The following DSCAM variants were observed in gnomAD, a reference collection of about 807,000 sequenced individuals.
The protein encoded by DSCAM is cell adhesion molecule DSCAM.
DSCAM carries 47 observed loss-of-function variants against 217.7 expected under a neutral mutation model. The observed-to-expected ratio is 0.22, with a 90% CI of 0.17 to 0.28. The LOEUF (loss-of-function observed/expected upper bound fraction) is 0.28. DSCAM is among the 10% of genes least tolerant of loss of function. DSCAM has a pLI of 1.00. For missense variants in DSCAM, 2,080 were observed against 2,618.3 expected (o/e 0.79, Z 4.49); for synonymous variants, 1,056 against 1,015.3 (o/e 1.04, Z -0.76).
At chr21:40,164,756 C>T (rs1013018661) in intron 16 of DSCAM, among the ~76,000 whole-genome samples, 2 of 152,008 alleles carry the variant, frequency 1.3e-5, no homozygotes, top group East Asian at 1.9e-4. Flanking sequence ...GAGCAAAGAT[C>T]GTGTCATTGC....
At chr21:40,516,687 G>A (rs897877343) in intron 3 of DSCAM, among the ~76,000 whole-genome samples, 1 of 152,084 alleles carries the variant, frequency 6.6e-6, no homozygotes, top group African/African-American at 2.4e-5. Context: ...TCTGCGACTA[G>A]GCAGAGGTCA....
chr21:40,697,440 T>C (rs569100624), intron 2 of DSCAM, among the ~76,000 whole-genome samples: 1 of 152,340 alleles, frequency 6.6e-6, no homozygotes, highest in East Asian at 1.9e-4. Flanking sequence ...TTCCCTAGTG[T>C]TTTCTTTCAG....
chr21:40,669,179 T>C (rs1485832856), intron 3 of DSCAM, among the ~76,000 whole-genome samples: 3 of 152,130 alleles, frequency 2.0e-5, no homozygotes, highest in African/African-American at 7.2e-5. Context: ...GACGAATCTC[T>C]CCACCTCTCA....
chr21:40,718,391 C>T (rs1251458000), intron 1 of DSCAM, among the ~76,000 whole-genome samples: 1 of 152,186 alleles, frequency 6.6e-6, no homozygotes, highest in Non-Finnish European at 1.5e-5. Context: ...GGGCAATTTA[C>T]AAGAGAAAGG....
chr21:40,597,482 C>CT (rs2077029981), intron 3 of DSCAM, among the ~76,000 whole-genome samples: 4 of 75,424 alleles, frequency 5.3e-5, no homozygotes, highest in Non-Finnish European at 1.1e-4. Context: ...TTTAACCTAT[C>CT]TTTTTTACAG....
At chr21:40,183,519 G>A (rs1882791) in intron 14 of DSCAM, among the ~76,000 whole-genome samples, 63,453 of 152,070 alleles carry the variant, frequency 0.42, 13,958 homozygotes, top group African/African-American at 0.56. Flanking sequence ...AGGACTTGGG[G>A]TGTTCAGTGT....
At chr21:40,528,587 A>G (rs1320861317) in intron 3 of DSCAM, among the ~76,000 whole-genome samples, 1 of 152,116 alleles carries the variant, frequency 6.6e-6, no homozygotes, top group Non-Finnish European at 1.5e-5. Context: ...TGCTAGCACC[A>G]TAGTCTCATA....
chr21:40,196,236 G>T (rs1761170063), intron 11 of DSCAM, among the ~76,000 whole-genome samples: 1 of 152,162 alleles, frequency 6.6e-6, no homozygotes, highest in African/African-American at 2.4e-5. Context: ...AGGTGAGGAA[G>T]GGGCCTGGGA....
chr21:40,116,296 G>A (rs566149325), intron 20 of DSCAM, among the ~76,000 whole-genome samples: 13 of 152,204 alleles, frequency 8.5e-5, no homozygotes, highest in African/African-American at 2.9e-4. Flanking sequence ...AAATCTGCAC[G>A]TTACCCCTGA....
At chr21:40,706,471 G>T (rs747224453) in intron 2 of DSCAM, among the ~76,000 whole-genome samples, 1 of 152,256 alleles carries the variant, frequency 6.6e-6, no homozygotes, top group East Asian at 1.9e-4. Flanking sequence ...CAAAATTTCT[G>T]AAATTTAAGA....
intron 3 of DSCAM, among the ~76,000 whole-genome samples, chr21:40,672,727 C>A (rs1255685241): frequency 6.6e-6 from 1 of 152,134 alleles, no homozygotes; most frequent in Non-Finnish European, 1.5e-5. Flanking sequence ...AGAGTTTCCA[C>A]ACCTATTGAT....
chr21:40,265,995 A>G (rs576958000), intron 11 of DSCAM, among the ~76,000 whole-genome samples: 56 of 152,344 alleles, frequency 3.7e-4, no homozygotes, highest in Non-Finnish European at 6.3e-4. Context: ...AACAAAAGCA[A>G]AAGTAAATAC....
At position 40,179,769 on chromosome 21, in the gene DSCAM, A is replaced by C. The variant is rs536967189; in HGVS notation, c.2780-675T>G. On this transcript the variant is annotated intron_variant, in intron 14 of 32. Transcript: ENST00000400454. ...ATAACAGCAGCACCTACTTTGTGTG[A>C]AATGTTATCACTGAATCTGTGACAT... Among the ~76,000 whole-genome samples, 3 of 152,238 alleles carry C rather than the reference A, an allele frequency of 2.0e-5. No homozygotes were observed. The South Asian group carries it at 6.2e-4, about 31-fold the overall frequency.
At chr21:40,401,807 C>T (rs1049293546) in intron 3 of DSCAM, among the ~76,000 whole-genome samples, 6 of 150,624 alleles carry the variant, frequency 4.0e-5, no homozygotes, top group Admixed American at 3.9e-4. Flanking sequence ...TCCAAAGGGG[C>T]CCCATGTTCC....
intron 11 of DSCAM, among the ~76,000 whole-genome samples, chr21:40,208,863 G>A (rs1438365821): frequency 6.6e-6 from 1 of 152,082 alleles, no homozygotes; most frequent in Non-Finnish European, 1.5e-5. Flanking sequence ...AGGCCAATCT[G>A]ATCCTCTAGG....
intron 20 of DSCAM, among the ~76,000 whole-genome samples, chr21:40,120,549 T>C (rs189326719): frequency 2.6e-5 from 4 of 152,372 alleles, no homozygotes; most frequent in East Asian, 3.9e-4. Context: ...TTGCTTATAA[T>C]AGATTGTTTG....
chr21:40,188,963 T>G, intron 12 of DSCAM, 79 bp downstream of exon 12: 1 of 1,425,332 alleles, frequency 7.0e-7, no homozygotes, highest in Non-Finnish European at 9.8e-7. Flanking sequence ...GCTACTTATC[T>G]GCACCCGCTT....
rs115729322 is a variant in DSCAM at position 40,451,167 on chromosome 21, C to A, written c.509-81922G>T. 7.4e-3 allele frequency among the ~76,000 whole-genome samples: 1,120 copies of A among 152,256 alleles called. 19 individuals carry two copies. Among genetic ancestry groups the A allele is most frequent in the African/African-American group, 0.026 (1,074 of 41,534 alleles). ...GGCTCTGCCCCACTGGAATTTGGAT[C>A]GCCTGTTGATGGCTGAGGTTAAGTT... On this transcript the variant is annotated intron_variant, in intron 3 of 32. Coordinates refer to ENST00000400454, the MANE Select transcript of DSCAM (RefSeq NM_001389.5).
Position 40,139,234 on chromosome 21 carries a change from C to T in DSCAM, c.3406+3324G>A, listed in dbSNP as rs116981612. Among the ~76,000 whole-genome samples the T allele has an allele frequency of 3.6e-4, 54 of 151,682 alleles. No homozygotes were observed. In the East Asian group the frequency reaches 8.0e-3, roughly 22 times the overall value. ...CAGTTAATTTAGAAAGTTTATTTTG[C>T]GAAGGTTGAGGACGTACCCACAACA... On this transcript the variant is annotated intron_variant, in intron 18 of 32. Coordinates refer to ENST00000400454, the MANE Select transcript of DSCAM (RefSeq NM_001389.5).
Sources: allele counts gnomAD v4.1 joint callset (sites outside exome capture counted in the v4.1 genomes callset), GRCh38; gene constraint gnomAD v4.1.1; transcripts MANE v1.5; gene names NCBI Gene and HGNC (gene_info 2026-07-23, HGNC 2026-07-21).